Variants in OPCML observed in about 807,000 individuals in gnomAD.
OPCML encodes the protein opioid-binding protein/cell adhesion molecule.
Under a neutral mutation model 37.8 loss-of-function variants are expected in OPCML, and 13 were observed. The ratio of observed to expected loss-of-function variants is 0.34; its 90% CI spans 0.22 to 0.55. The LOEUF is 0.55. Ranked by LOEUF, OPCML falls within the 20% of genes least tolerant of loss-of-function variation. The pLI, the probability that OPCML is intolerant of heterozygous loss-of-function variation, is 0.91. For missense variants in OPCML, 341 were observed against 435.6 expected (o/e 0.78, Z 1.93); for synonymous variants, 176 against 168.8 (o/e 1.04, Z -0.33).
intron 1 of OPCML, among the ~76,000 whole-genome samples, chr11:133,082,099 C>G (rs1948729839): frequency 6.6e-6 from 1 of 151,958 alleles, no homozygotes; most frequent in African/African-American, 2.4e-5. Context: ...GGGGGTGACC[C>G]GGGCCCAGAG....
chr11:133,065,110 AC>A, intron 1 of OPCML: 1 of 152,250 alleles, frequency 6.6e-6, no homozygotes, highest in Non-Finnish European at 1.5e-5. Context: ...AAGCCCCAGG[AC>A]CCCCGAGAGA....
chr11:133,162,269 T>C (rs1284430246), intron 1 of OPCML, among the ~76,000 whole-genome samples: 1 of 152,146 alleles, frequency 6.6e-6, no homozygotes, highest in African/African-American at 2.4e-5. Flanking sequence ...GGCGATATCC[T>C]TTGAGACGTG....
chr11:132,587,582 T>G (rs988305062), intron 3 of OPCML, among the ~76,000 whole-genome samples: 1 of 152,204 alleles, frequency 6.6e-6, no homozygotes, highest in Non-Finnish European at 1.5e-5. Flanking sequence ...ACTTTCTCTA[T>G]TCATGCGTGA....
chr11:133,177,765 G>A lies in OPCML; in HGVS notation c.62-234755C>T, dbSNP rs770303900. 3.9e-5 allele frequency among the ~76,000 whole-genome samples: 6 copies of A among 152,128 alleles called. No homozygotes were observed. The highest frequency in any genetic ancestry group is 5.9e-5 in the Non-Finnish European group (4 of 68,008). On this transcript the variant is annotated intron_variant, in intron 1 of 7. Transcript: ENST00000524381. This position sits in a 1 kb window ranked among gnomAD's most constrained non-coding sequence, Gnocchi z 5.0. ...AGCAAATGTGGAATCTCATGGAATC[G>A]GCCCCACACACTCACCGAAATGGCT...
intron 1 of OPCML, chr11:133,420,122 A>T (rs1945855291): frequency 3.1e-6 from 1 of 321,648 alleles, no homozygotes; most frequent in Admixed American, 6.5e-5. Flanking sequence ...CGTGCTAGAG[A>T]TCCTTTATGT....
chr11:133,418,245 C>T, intron 1 of OPCML: 2 of 985,290 alleles, frequency 2.0e-6, no homozygotes, highest in Non-Finnish European at 2.4e-6. Flanking sequence ...TTTAAGAAGG[C>T]CAAGTACAAG....
At chr11:133,334,859 C>T (rs562576865) in intron 1 of OPCML, among the ~76,000 whole-genome samples, 122 of 152,198 alleles carry the variant, frequency 8.0e-4, no homozygotes, top group African/African-American at 2.7e-3. Context: ...CAGTCTGGGG[C>T]GGCCTTTGGG....
intron 1 of OPCML, among the ~76,000 whole-genome samples, chr11:133,140,537 G>T (rs71472106): frequency 0.27 from 16,425 of 59,880 alleles, 1,116 homozygotes; most frequent in African/African-American, 0.38. Flanking sequence ...ATAATAAGAA[G>T]AAGAAGAAGA....
At chr11:132,849,940 C>T (rs1478684554) in intron 2 of OPCML, among the ~76,000 whole-genome samples, 3 of 152,212 alleles carry the variant, frequency 2.0e-5, no homozygotes. Context: ...GCTGTGTCCA[C>T]TCGAGCAGAT....
intron 3 of OPCML, among the ~76,000 whole-genome samples, chr11:132,539,162 G>T (rs538540967): frequency 6.6e-6 from 1 of 152,172 alleles, no homozygotes; most frequent in Non-Finnish European, 1.5e-5. Context: ...GAACACTGAC[G>T]CTGAAAAGTC....
chr11:132,539,823 G>A (rs2096351477), intron 3 of OPCML, among the ~76,000 whole-genome samples: 1 of 152,010 alleles, frequency 6.6e-6, no homozygotes. Flanking sequence ...AGATGCTGAC[G>A]GTGATGATGA....
intron 1 of OPCML, among the ~76,000 whole-genome samples, chr11:133,209,066 C>A (rs1311257389): frequency 3.3e-5 from 5 of 152,202 alleles, no homozygotes; most frequent in African/African-American, 1.2e-4. Context: ...CCTCTTCCCC[C>A]AAACTGTCAG....
At chr11:132,532,785 C>G (rs1480213408) in intron 3 of OPCML, among the ~76,000 whole-genome samples, 1 of 152,150 alleles carries the variant, frequency 6.6e-6, no homozygotes, top group African/African-American at 2.4e-5. Context: ...AGGAGAAGCC[C>G]ATCTTCACCG....
intron 1 of OPCML, among the ~76,000 whole-genome samples, chr11:133,331,796 T>C (rs1483899013): frequency 6.6e-6 from 1 of 152,160 alleles, no homozygotes; most frequent in East Asian, 1.9e-4. Context: ...TTTACTTATT[T>C]TCTAAATTTT....
At chr11:132,556,851 T>C (rs1419985321) in intron 3 of OPCML, among the ~76,000 whole-genome samples, 1 of 152,148 alleles carries the variant, frequency 6.6e-6, no homozygotes, top group Non-Finnish European at 1.5e-5. Flanking sequence ...GTGACTCTAG[T>C]TGGGCCTGGA....
chr11:132,442,397 G>A (rs575137883), intron 4 of OPCML, among the ~76,000 whole-genome samples: 1 of 152,114 alleles, frequency 6.6e-6, no homozygotes, highest in Non-Finnish European at 1.5e-5. Context: ...TTGTGCCAGC[G>A]ATATCTCAGC....
intron 3 of OPCML, among the ~76,000 whole-genome samples, chr11:132,575,644 T>C (rs1303697838): frequency 6.6e-6 from 1 of 152,040 alleles, no homozygotes; most frequent in Non-Finnish European, 1.5e-5. Flanking sequence ...AGTTTTATTT[T>C]TGAATTAAAA....
chr11:132,586,087 C>T (rs149978764), intron 3 of OPCML, among the ~76,000 whole-genome samples: 236 of 152,202 alleles, frequency 1.6e-3, no homozygotes, highest in Non-Finnish European at 2.8e-3. Flanking sequence ...AGTCCACAGA[C>T]CCACATGGGG....
intron 3 of OPCML, among the ~76,000 whole-genome samples, chr11:132,595,797 C>T (rs562886567): frequency 2.9e-4 from 44 of 152,320 alleles, no homozygotes; most frequent in Non-Finnish European, 3.5e-4. Context: ...TTTTAATTGG[C>T]TTGCTTTCTT....
Sources: gnomAD v4.1 joint callset for allele counts (sites outside exome capture counted in the v4.1 genomes callset) on GRCh38, gnomAD v4.1.1 for gene constraint, Gnocchi (gnomAD v3.1) non-coding constraint, MANE v1.5 for transcripts, NCBI Gene and HGNC (gene_info 2026-07-23, HGNC 2026-07-21) for gene names.